Variants in LRRC37A2 observed in about 807,000 individuals in gnomAD.
LRRC37A2 encodes the protein leucine rich repeat containing 37 member A2, also known as leucine-rich repeat-containing protein 37A2.
A neutral mutation model predicts 68.8 loss-of-function variants in LRRC37A2; 9 were observed. The ratio of observed to expected loss-of-function variants is 0.13; its 90% CI spans 0.08 to 0.23. The LOEUF is 0.23. LRRC37A2 is among the 10% of genes least tolerant of loss of function. LRRC37A2 has a pLI of 1.00. For missense variants in LRRC37A2, 168 were observed against 950.4 expected (o/e 0.18, Z 10.82); for synonymous variants, 63 against 367.6 (o/e 0.17, Z 9.48).
At chr17:46,707,804 G>A in the LRRC37A2 span, among the ~76,000 whole-genome samples, 3 of 151,984 alleles carry the variant, frequency 2.0e-5, no homozygotes, top group Admixed American at 6.6e-5. Context: ...GATTGAGGTG[G>A]GTGGGTCACC....
the LRRC37A2 span, among the ~76,000 whole-genome samples, chr17:46,691,593 T>TCAAA: frequency 2.6e-5 from 4 of 151,420 alleles, no homozygotes; most frequent in Non-Finnish European, 5.9e-5. Context: ...AGACTTCATC[T>TCAAA]CAAACAAACA....
At chr17:47,027,521 C>A in the LRRC37A2 span, 2 of 979,002 alleles carry the variant, frequency 2.0e-6, no homozygotes, top group Non-Finnish European at 3.2e-6. Context: ...CATTTAATAA[C>A]TAATCAAGGC....
the LRRC37A2 span, among the ~76,000 whole-genome samples, chr17:46,958,415 G>C: frequency 6.6e-6 from 1 of 152,222 alleles, no homozygotes; most frequent in Non-Finnish European, 1.5e-5. Context: ...AAACGTGTGT[G>C]GGGGCTCAGA....
At chr17:46,890,987 CTG>C in the LRRC37A2 span, among the ~76,000 whole-genome samples, 1 of 152,176 alleles carries the variant, frequency 6.6e-6, no homozygotes, top group Non-Finnish European at 1.5e-5. Context: ...GTTGAGGAAA[CTG>C]AGGCACAGCG....
chr17:47,032,403 C>T, the LRRC37A2 span, among the ~76,000 whole-genome samples: 10 of 151,898 alleles, frequency 6.6e-5, no homozygotes, highest in Non-Finnish European at 1.2e-4. Flanking sequence ...AGGTAATTTG[C>T]TAAGGTTCAC....
the LRRC37A2 span, chr17:47,027,607 C>T: frequency 2.3e-6 from 3 of 1,326,146 alleles, no homozygotes; most frequent in Non-Finnish European, 3.2e-6. Context: ...ACATTTGAAC[C>T]ACTACCATTT....
chr17:47,028,392 C>T, the LRRC37A2 span: 3 of 1,278,102 alleles, frequency 2.3e-6, no homozygotes. Context: ...TACATGTAAA[C>T]AACTATTTAT....
the LRRC37A2 span, among the ~76,000 whole-genome samples, chr17:46,875,594 T>C: frequency 1.3e-5 from 2 of 152,164 alleles, no homozygotes; most frequent in Non-Finnish European, 2.9e-5. Context: ...ATGAGTGTCA[T>C]TGGTGGAAGC....
At chr17:46,895,020 G>A in the LRRC37A2 span, among the ~76,000 whole-genome samples, 7 of 152,208 alleles carry the variant, frequency 4.6e-5, no homozygotes, top group African/African-American at 9.6e-5. Context: ...AGAGCCGGCC[G>A]GATCTCGGCA....
At chr17:46,936,123 T>G in the LRRC37A2 span, 6 of 985,818 alleles carry the variant, frequency 6.1e-6, no homozygotes, top group African/African-American at 1.7e-5. Context: ...GTGTCTCAGA[T>G]GGCCTGGAAG....
At chr17:46,995,170 A>C in the LRRC37A2 span, among the ~76,000 whole-genome samples, 1 of 152,146 alleles carries the variant, frequency 6.6e-6, no homozygotes, top group Admixed American at 6.5e-5. Flanking sequence ...AGGTACTCAG[A>C]CAGCCAGGCT....
chr17:46,528,781 C>T (rs1272122710), intron 6 of LRRC37A2: 6 of 670,982 alleles, frequency 8.9e-6, no homozygotes, highest in East Asian at 2.7e-5. Flanking sequence ...AGATTTTGCC[C>T]CTGAAAAAGC....
At chr17:47,013,237 G>C in the LRRC37A2 span, among the ~76,000 whole-genome samples, 3 of 152,182 alleles carry the variant, frequency 2.0e-5, no homozygotes, top group Non-Finnish European at 4.4e-5. Context: ...ATGGGGTTTT[G>C]TTTTAGATTG....
chr17:46,851,631 C>A, the LRRC37A2 span: 1 of 1,270,656 alleles, frequency 7.9e-7, no homozygotes, highest in Non-Finnish European at 9.9e-7. The surrounding 1 kb of genome is among the most constrained non-coding windows in gnomAD (Gnocchi z 4.3). Flanking sequence ...CGCAGCGCCG[C>A]CAGCACCATG....
At chr17:46,875,430 T>G in the LRRC37A2 span, 1 of 1,491,228 alleles carries the variant, frequency 6.7e-7, no homozygotes, top group Non-Finnish European at 8.9e-7. Context: ...GGAGCATGGC[T>G]TGAAGGAGGC....
At chr17:47,040,626 C>T in the LRRC37A2 span, among the ~76,000 whole-genome samples, 3 of 94,162 alleles carry the variant, frequency 3.2e-5, no homozygotes, top group African/African-American at 1.1e-4. Context: ...TGAAGATTTA[C>T]TTAAATTCTT....
At chr17:46,785,165 A>T in the LRRC37A2 span, among the ~76,000 whole-genome samples, 1 of 151,798 alleles carries the variant, frequency 6.6e-6, no homozygotes, top group African/African-American at 2.4e-5. Flanking sequence ...ACACAGTGGG[A>T]CCTCCCAGCC....
the LRRC37A2 span, chr17:46,714,005 C>A: frequency 6.3e-7 from 1 of 1,595,642 alleles, no homozygotes; most frequent in Non-Finnish European, 8.5e-7. Context: ...ATTTTACTTT[C>A]ATTTTAATTT....
chr17:46,688,268 T>C, the LRRC37A2 span, among the ~76,000 whole-genome samples: 1 of 151,052 alleles, frequency 6.6e-6, no homozygotes, highest in African/African-American at 2.5e-5. Context: ...CCTAGCACTT[T>C]GGGAAGCCAA....
Sources: allele counts gnomAD v4.1 joint callset (sites outside exome capture counted in the v4.1 genomes callset), GRCh38; gene constraint gnomAD v4.1.1; non-coding constraint Gnocchi (gnomAD v3.1); transcripts MANE v1.5; gene names NCBI Gene and HGNC (gene_info 2026-07-23, HGNC 2026-07-21).